The following NKAIN2 variants were observed in gnomAD, a reference collection of about 807,000 sequenced individuals.
NKAIN2 encodes the protein sodium/potassium transporting ATPase interacting 2, also known as sodium/potassium-transporting ATPase subunit beta-1-interacting protein 2.
Under a neutral mutation model 32.6 loss-of-function variants are expected in NKAIN2, and 14 were observed. That is an observed-to-expected ratio of 0.43 (90% CI 0.28 to 0.67). NKAIN2 has a LOEUF of 0.67. Ranked by LOEUF, NKAIN2 falls within the 30% of genes least tolerant of loss-of-function variation. NKAIN2 has a pLI of 0.17. For synonymous variants in NKAIN2, 80 were observed against 87.2 expected (o/e 0.92, Z 0.46); for missense variants, 198 against 258.3 (o/e 0.77, Z 1.60).
chr6:124,691,051 G>C (rs1385762020), intron 4 of NKAIN2, among the ~76,000 whole-genome samples: 1 of 152,126 alleles, frequency 6.6e-6, no homozygotes, highest in African/African-American at 2.4e-5. Context: ...TGCAAGGAAG[G>C]CAGGAGGTTA....
At chr6:124,425,106 T>G (rs2114545879) in intron 3 of NKAIN2, among the ~76,000 whole-genome samples, 1 of 152,258 alleles carries the variant, frequency 6.6e-6, no homozygotes, top group South Asian at 2.1e-4. Flanking sequence ...TGCAACAATC[T>G]TTGGAAAATC....
At chr6:124,539,569 C>T (rs561706562) in intron 3 of NKAIN2, among the ~76,000 whole-genome samples, 2 of 151,984 alleles carry the variant, frequency 1.3e-5, no homozygotes, top group Non-Finnish European at 2.9e-5. Context: ...ATAAAAACCT[C>T]GTTAAAAACA....
intron 1 of NKAIN2, among the ~76,000 whole-genome samples, chr6:124,230,821 C>T (rs542803699): frequency 6.6e-6 from 1 of 151,930 alleles, no homozygotes; most frequent in African/African-American, 2.4e-5. Flanking sequence ...GGGCAGGGCT[C>T]TCATGGAGAA....
intron 2 of NKAIN2, among the ~76,000 whole-genome samples, chr6:124,343,767 C>T (rs890334053): frequency 6.7e-5 from 10 of 149,720 alleles, no homozygotes; most frequent in Non-Finnish European, 1.3e-4. Flanking sequence ...AAAATTTTCT[C>T]CCATTTTGTA....
intron 1 of NKAIN2, among the ~76,000 whole-genome samples, chr6:124,068,838 A>G (rs1783311320): frequency 6.6e-6 from 1 of 152,038 alleles, no homozygotes; most frequent in Non-Finnish European, 1.5e-5. Flanking sequence ...AGCGATAAGA[A>G]AAGAAGTCCT....
intron 1 of NKAIN2, among the ~76,000 whole-genome samples, chr6:123,914,622 G>C (rs578240789): frequency 6.6e-6 from 1 of 152,076 alleles, no homozygotes; most frequent in South Asian, 2.1e-4. Context: ...GACACTGAGG[G>C]TTTGGTGATT....
chr6:123,858,120 AT>A (rs772284498), intron 1 of NKAIN2, among the ~76,000 whole-genome samples: 111 of 148,030 alleles, frequency 7.5e-4, no homozygotes, highest in African/African-American at 1.2e-3. Flanking sequence ...TATTATTATT[AT>A]TTTTTTTTTT....
chr6:123,982,323 A>G lies in NKAIN2; in HGVS notation c.54+178069A>G, dbSNP rs557690644. Among the ~76,000 whole-genome samples, 13 of 152,336 alleles carry G rather than the reference A, an allele frequency of 8.5e-5. No individual in the cohort carries two copies. In the East Asian group the frequency reaches 2.5e-3, roughly 29 times the overall value. ...ACTTAACACAATTGTGAAGACACGC[A>G]AAGAGGGCAAGGCTTCTTAATTCTG... On this transcript the variant is annotated intron_variant, in intron 1 of 6. Coordinates refer to ENST00000368417, the MANE Select transcript of NKAIN2 (RefSeq NM_001040214.3).
chr6:124,425,927 A>G (rs1389258183), intron 3 of NKAIN2, among the ~76,000 whole-genome samples: 2 of 152,112 alleles, frequency 1.3e-5, no homozygotes, highest in South Asian at 2.1e-4. Flanking sequence ...TTTTATTTAC[A>G]TATGCATACT....
intron 3 of NKAIN2, among the ~76,000 whole-genome samples, chr6:124,442,891 GGTT>G (rs1294832844): frequency 1.3e-5 from 2 of 152,120 alleles, no homozygotes; most frequent in Admixed American, 6.6e-5. Context: ...ATATTTTCTG[GGTT>G]GTTTGTCCCA....
intron 1 of NKAIN2, among the ~76,000 whole-genome samples, chr6:123,838,051 A>G (rs772473520): frequency 1.4e-4 from 22 of 152,164 alleles, no homozygotes; most frequent in Admixed American, 3.3e-4. Context: ...CCATAATAGG[A>G]GAAAAAGTTA....
At chr6:124,155,851 A>T (rs547500804) in intron 1 of NKAIN2, among the ~76,000 whole-genome samples, 1 of 151,954 alleles carries the variant, frequency 6.6e-6, no homozygotes, top group African/African-American at 2.4e-5. Flanking sequence ...AAATGGTGTG[A>T]TCTCATTTCA....
At chr6:124,703,029 AG>A (rs1774876684) in intron 4 of NKAIN2, among the ~76,000 whole-genome samples, 1 of 152,046 alleles carries the variant, frequency 6.6e-6, no homozygotes, top group Admixed American at 6.6e-5. Context: ...ATAGAGTAAA[AG>A]TTGCATGCAA....
chr6:123,892,227 T>C (rs1027880750), intron 1 of NKAIN2, among the ~76,000 whole-genome samples: 2 of 152,192 alleles, frequency 1.3e-5, no homozygotes, highest in Non-Finnish European at 2.9e-5. Context: ...CTTTAACATA[T>C]GAATCTAGAT....
At chr6:123,987,387 G>T (rs965723177) in intron 1 of NKAIN2, among the ~76,000 whole-genome samples, 1 of 152,140 alleles carries the variant, frequency 6.6e-6, no homozygotes, top group Non-Finnish European at 1.5e-5. Context: ...TCTGTTTTTG[G>T]AATGTGTATG....
chr6:124,806,655 A>C (rs1036023419), intron 5 of NKAIN2, among the ~76,000 whole-genome samples: 11 of 152,294 alleles, frequency 7.2e-5, no homozygotes, highest in African/African-American at 1.7e-4. Context: ...CTTTAAATGT[A>C]AATGGACTAA....
At chr6:123,990,146 A>G (rs1182803648) in intron 1 of NKAIN2, among the ~76,000 whole-genome samples, 1 of 152,178 alleles carries the variant, frequency 6.6e-6, no homozygotes, top group African/African-American at 2.4e-5. Flanking sequence ...AGACTCACTC[A>G]CTATCATGAG....
At chr6:124,437,684 G>T (rs1464884266) in intron 3 of NKAIN2, among the ~76,000 whole-genome samples, 2 of 152,106 alleles carry the variant, frequency 1.3e-5, no homozygotes, top group African/African-American at 4.8e-5. Context: ...ACTTAGAATA[G>T]AAACTGGCCA....
At chr6:124,417,390 A>G (rs1180951766) in intron 3 of NKAIN2, among the ~76,000 whole-genome samples, 1 of 152,212 alleles carries the variant, frequency 6.6e-6, no homozygotes, top group Non-Finnish European at 1.5e-5. Context: ...GTGTAGTTGA[A>G]GATAAAACAA....
Sources: gnomAD v4.1 joint callset for allele counts (sites outside exome capture counted in the v4.1 genomes callset) on GRCh38, gnomAD v4.1.1 for gene constraint, MANE v1.5 for transcripts, NCBI Gene and HGNC (gene_info 2026-07-23, HGNC 2026-07-21) for gene names.